Variants in EPS15L1 observed in about 807,000 individuals in gnomAD.
The protein encoded by EPS15L1 is epidermal growth factor receptor pathway substrate 15 like 1.
A neutral mutation model predicts 117.1 loss-of-function variants in EPS15L1; 43 were observed. The observed-to-expected ratio is 0.37, with a 90% CI of 0.29 to 0.47. EPS15L1 has a LOEUF of 0.47. Ranked by LOEUF, EPS15L1 falls within the 20% of genes least tolerant of loss-of-function variation. The probability of loss-of-function intolerance (pLI) is 0.99; values close to 1 mark genes in which losing one functional copy is unlikely to be tolerated. For synonymous variants in EPS15L1, 459 were observed against 470.5 expected (o/e 0.98, Z 0.32); for missense variants, 981 against 1,164.0 (o/e 0.84, Z 2.29).
intron 19 of EPS15L1, among the ~76,000 whole-genome samples, chr19:16,389,321 G>A (rs1439887317): frequency 2.0e-5 from 3 of 151,968 alleles, no homozygotes; most frequent in Non-Finnish European, 4.4e-5. Flanking sequence ...GGGTGTGGAG[G>A]TACATGCCTG....
At chr19:16,418,192 G>A (rs1295235192) in intron 10 of EPS15L1, 88 bp from the exon 11 acceptor site, 21 of 1,457,500 alleles carry the variant, frequency 1.4e-5, no homozygotes, top group Middle Eastern at 2.1e-4. Flanking sequence ...TTTCAAAAAC[G>A]ACAGCGACGA....
intron 7 of EPS15L1, among the ~76,000 whole-genome samples, chr19:16,431,154 G>T (rs554062525): frequency 1.3e-5 from 2 of 151,694 alleles, no homozygotes; most frequent in Admixed American, 1.3e-4. Flanking sequence ...CAGGAGAATT[G>T]CTCGAACCAG....
rs949898133 is a variant in EPS15L1 at position 16,365,259 on chromosome 19, C to A, written c.2381-3275G>T. On this transcript the variant is annotated intron_variant, in intron 22 of 23. Transcript: ENST00000455140. The surrounding 1 kb of genome is among the most constrained non-coding windows in gnomAD (Gnocchi z 4.9). ...AATCCAAACAAAGGGCTGTGTCCCC[C>A]CAACAATTGTTCATACGTTCAAGTC... 6.6e-6 allele frequency among the ~76,000 whole-genome samples: 1 copy of A among 152,216 alleles called. No homozygotes were observed. Among genetic ancestry groups the A allele is most frequent in the Non-Finnish European group, 1.5e-5 (1 of 68,042 alleles).
chr19:16,428,589 A>G, intron 8 of EPS15L1, 113 bp downstream of exon 8: 1 of 697,556 alleles, frequency 1.4e-6, no homozygotes, highest in South Asian at 1.8e-5. Flanking sequence ...AAAAGAAAAG[A>G]AAAGAAAAGA....
At chr19:16,456,361 A>G (rs1420893534) in intron 1 of EPS15L1, among the ~76,000 whole-genome samples, 3 of 152,176 alleles carry the variant, frequency 2.0e-5, no homozygotes, top group African/African-American at 7.2e-5. Flanking sequence ...TGTAGGACAG[A>G]GTCCTGGGCT....
rs567578790 is a variant in EPS15L1, at chr19:16,438,030, G to A, written c.214-165C>T. 2.6e-5 allele frequency among the ~76,000 whole-genome samples: 4 copies of A among 152,252 alleles called. No homozygotes were observed. The South Asian group carries it at 8.3e-4, about 32-fold the overall frequency. On this transcript the variant is annotated intron_variant, in intron 4 of 23. Coordinates refer to ENST00000455140, the MANE Select transcript of EPS15L1 (RefSeq NM_001258374.3). ...GTTGGGCTGAACTGGACTCACCTTG[G>A]GGACATCGCTTAAATGAATACACTA...
At chr19:16,449,014 C>T (rs761401721) in intron 1 of EPS15L1, among the ~76,000 whole-genome samples, 2 of 152,092 alleles carry the variant, frequency 1.3e-5, no homozygotes, top group Non-Finnish European at 2.9e-5. Context: ...TGGTGCGTAC[C>T]TGTAGTCCCA....
At chr19:16,378,521 G>A (rs1040285623) in intron 21 of EPS15L1, among the ~76,000 whole-genome samples, 4 of 152,110 alleles carry the variant, frequency 2.6e-5, no homozygotes, top group African/African-American at 9.7e-5. Flanking sequence ...TCTCCCTGGG[G>A]CTGCTTCCTG....
At position 16,365,811 on chromosome 19, in the gene EPS15L1, T is replaced by G. The variant is rs2092125691; in HGVS notation, c.2381-3827A>C. ...AGCTCTGTGAAAAGCGGGCCCAGCA[T>G]ACCACAAATGCCAGCCAATACTGCC... On this transcript the variant is annotated intron_variant, in intron 22 of 23. Transcript: ENST00000455140. The surrounding 1 kb of genome is among the most constrained non-coding windows in gnomAD (Gnocchi z 4.9). Among the ~76,000 whole-genome samples, 1 of 152,308 alleles carries G rather than the reference T, an allele frequency of 6.6e-6. No homozygotes were observed. Among genetic ancestry groups the G allele is most frequent in the African/African-American group, 2.4e-5 (1 of 41,576 alleles).
At position 16,404,011 on chromosome 19, in the gene EPS15L1, C is replaced by A. The variant is rs2092629778; in HGVS notation, c.1429-81G>T. On this transcript the variant is annotated intron_variant, in intron 14 of 23. Coordinates refer to ENST00000455140, the MANE Select transcript of EPS15L1 (RefSeq NM_001258374.3). The surrounding 1 kb of genome is among the most constrained non-coding windows in gnomAD (Gnocchi z 4.2). Reference sequence around the variant, plus strand: ...ACTCCGAGAAAGAACTCTTAGCCCCCATCCCCGAAACAAGCTAAGCCAGGG... The same window carrying A: ...ACTCCGAGAAAGAACTCTTAGCCCCAATCCCCGAAACAAGCTAAGCCAGGG... The A allele has an allele frequency of 3.0e-6, 4 of 1,342,620 alleles. No homozygotes were observed. Among genetic ancestry groups the A allele is most frequent in the Non-Finnish European group, 4.1e-6 (4 of 967,004 alleles). The allele number at this position is 1,342,620 out of a possible 1,614,324, so 83.2% of individuals were successfully genotyped here. A position where few individuals can be genotyped will look rare whatever the true frequency, so the allele number is the denominator to read the frequency against.
rs184087399 is a variant in EPS15L1, at chr19:16,381,598, G to A, written c.2247+3531C>T. ...GATAAAGTTGGCACATGGACCACAC[G>A]ACAATGATCACACCAAGTACGAAGC... On this transcript the variant is annotated intron_variant, in intron 21 of 23. Coordinates refer to ENST00000455140, the MANE Select transcript of EPS15L1 (RefSeq NM_001258374.3). The surrounding 1 kb of genome is among the most constrained non-coding windows in gnomAD (Gnocchi z 4.2). Among the ~76,000 whole-genome samples, 1 of 152,324 alleles carries A rather than the reference G, an allele frequency of 6.6e-6. No homozygotes were observed. Among genetic ancestry groups the A allele is most frequent in the Non-Finnish European group, 1.5e-5 (1 of 68,026 alleles).
At chr19:16,434,691 AC>A in intron 6 of EPS15L1, 1 of 500,812 alleles carries the variant, frequency 2.0e-6, no homozygotes, top group Non-Finnish European at 3.5e-6. Context: ...CGTTATGGCA[AC>A]CTCGGATCTG....
rs76985523 is a variant in EPS15L1 at position 16,403,871 on chromosome 19, G to C, written c.1488C>G (p.Asp496Glu). 1.2e-6 allele frequency: 2 copies of C among 1,613,980 alleles called. No homozygotes were observed. The highest frequency in any genetic ancestry group is 1.7e-6 in the Non-Finnish European group (2 of 1,180,034). ...GCTCCGACTTGGCTCGGTTCAGATC[G>C]TCTTCCTGGGACTTTAAGTCAGATT... ...SQESDLKSQEDDLNRAKSELN... is the reference protein window; with the variant it reads ...SQESDLKSQEEDLNRAKSELN... The change falls in exon 15 of 24, where the codon GAC becomes GAG. Residue 496 changes from aspartate (D) to glutamate (E), a missense_variant. By Grantham distance (45) the Asp-to-Glu change is conservative. Transcript: ENST00000455140.
At chr19:16,431,622 T>C (rs2092928501) in intron 7 of EPS15L1, among the ~76,000 whole-genome samples, 1 of 152,084 alleles carries the variant, frequency 6.6e-6, no homozygotes, top group African/African-American at 2.4e-5. Flanking sequence ...AGTTCTAAAG[T>C]TCAACAGCAC....
At chr19:16,413,613 GAAAA>G in intron 13 of EPS15L1, 156 bp downstream of exon 13, 1 of 618,780 alleles carries the variant, frequency 1.6e-6, no homozygotes, top group Non-Finnish European at 2.7e-6. Context: ...AATTCAGCCT[GAAAA>G]AAAAAAAAAC....
In EPS15L1 at chr19:16,395,336, T is replaced by C; in HGVS notation, c.1915+8A>G. ...TTTCAATGAGAAAGTGGGTAGCAAGTGAGATACCTTTGAAGGGGTCAGCTC... is the reference window on the plus strand; with the variant it reads ...TTTCAATGAGAAAGTGGGTAGCAAGCGAGATACCTTTGAAGGGGTCAGCTC... On this transcript the variant is annotated splice_region_variant and intron_variant, in intron 17 of 23. Transcript: ENST00000455140. 4 of 1,609,896 alleles carry C rather than the reference T, an allele frequency of 2.5e-6. No homozygotes were observed. The highest frequency in any genetic ancestry group is 1.7e-4 in the Middle Eastern group (1 of 6,050).
chr19:16,400,336 C>CAAAAAAAAAAAAAAAAAAAAAA (rs1162302779), intron 16 of EPS15L1, among the ~76,000 whole-genome samples: 2 of 60,708 alleles, frequency 3.3e-5, no homozygotes, highest in Admixed American at 1.9e-4. Flanking sequence ...GACTCCGTCT[C>CAAAAAAAAAAAAAAAAAAAAAA]AAAAAAAAAA....
chr19:16,434,213 G>T, intron 7 of EPS15L1, 152 bp downstream of exon 7: 2 of 1,052,242 alleles, frequency 1.9e-6, no homozygotes, highest in Non-Finnish European at 2.7e-6. Context: ...GCCAGCTGGG[G>T]CTGGACCCAC....
chr19:16,367,388 C>G (rs1422628452), intron 22 of EPS15L1, among the ~76,000 whole-genome samples: 1 of 148,886 alleles, frequency 6.7e-6, no homozygotes, highest in Non-Finnish European at 1.5e-5. Flanking sequence ...AACTTATTTT[C>G]AAACCACAGC....
Sources: allele counts gnomAD v4.1 joint callset (sites outside exome capture counted in the v4.1 genomes callset), GRCh38; gene constraint gnomAD v4.1.1; non-coding constraint Gnocchi (gnomAD v3.1); transcripts MANE v1.5; gene names NCBI Gene and HGNC (gene_info 2026-07-23, HGNC 2026-07-21).